The following LPA variants were observed in gnomAD, a reference collection of about 807,000 sequenced individuals.
LPA encodes apolipoprotein(a).
A neutral mutation model predicts 197.9 loss-of-function variants in LPA; 199 were observed. The observed-to-expected ratio is 1.01, with a 90% confidence interval of 0.90 to 1.13. LPA has a LOEUF of 1.13. LPA is among the 50% of genes most tolerant of loss of function. The pLI, the probability that LPA is intolerant of heterozygous loss-of-function variation, is 0.00. For missense variants in LPA, 1,853 were observed against 1,785.8 expected (o/e 1.04, Z -0.68); for synonymous variants, 715 against 639.5 (o/e 1.12, Z -1.78).
chr6:160,570,223 T>A (rs1251076750), intron 28 of LPA, among the ~76,000 whole-genome samples: 1 of 152,106 alleles, frequency 6.6e-6, no homozygotes, highest in Admixed American at 6.6e-5. Flanking sequence ...TAGCAAAGAC[T>A]TGGAACCAAC....
At chr6:160,574,704 A>T (rs2115027779) in intron 28 of LPA, among the ~76,000 whole-genome samples, 1 of 152,290 alleles carries the variant, frequency 6.6e-6, no homozygotes, top group Middle Eastern at 3.4e-3. Context: ...TGTTTGAGGG[A>T]GTAAGGCCTC....
intron 1 of LPA, among the ~76,000 whole-genome samples, chr6:160,656,455 A>G (rs192889661): frequency 1.3e-5 from 2 of 152,322 alleles, no homozygotes; most frequent in Admixed American, 1.3e-4. Flanking sequence ...GACCCACTGG[A>G]ACCACTGTAA....
chr6:160,615,509 CTTTAA>C (rs1396894182), intron 14 of LPA, among the ~76,000 whole-genome samples: 1 of 122,994 alleles, frequency 8.1e-6, no homozygotes, highest in Non-Finnish European at 1.7e-5. Context: ...TATACTAGCT[CTTTAA>C]TTTAATTTGG....
Position 160,542,768 on chromosome 6 carries a change from C to T in LPA, c.5439G>A (p.Pro1813=), listed in dbSNP as rs747134808. The change falls in exon 34 of 39, where the codon CCG becomes CCA. Residue 1813 remains proline, a synonymous_variant. Transcript: ENST00000316300. ...CTACAATGCTTCCAGGACATTTCTTCGGCTCCACTTGAGGCTTCCCACAAT... is the reference window on the plus strand; with the variant it reads ...CTACAATGCTTCCAGGACATTTCTTTGGCTCCACTTGAGGCTTCCCACAAT... ...SFDCGKPQVE[P]KKCPGSIVGG... is the part of the protein sequence containing the mutation. The T allele has an allele frequency of 1.4e-5, 23 of 1,613,962 alleles. No individual in the cohort carries two copies. Among genetic ancestry groups the T allele is most frequent in the Middle Eastern group, 1.6e-4 (1 of 6,082 alleles).
intron 4 of LPA, among the ~76,000 whole-genome samples, chr6:160,641,111 C>G (rs1779846126): frequency 7.4e-6 from 1 of 134,706 alleles, no homozygotes; most frequent in Admixed American, 7.1e-5. Context: ...TGAGATAACA[C>G]ACACACGTGG....
chr6:160,576,394 A>ATATATATATATGTG (rs1554234375), intron 28 of LPA, among the ~76,000 whole-genome samples: 3 of 53,754 alleles, frequency 5.6e-5, no homozygotes, highest in Non-Finnish European at 9.3e-5. Flanking sequence ...ATATATGTAT[A>ATATATATATATGTG]TATATATATA....
chr6:160,604,074 C>T (rs954831905), intron 18 of LPA, among the ~76,000 whole-genome samples: 10 of 152,124 alleles, frequency 6.6e-5, no homozygotes, highest in East Asian at 1.9e-4. Context: ...GCACATGCAA[C>T]GTCATGTTTA....
rs369140428 is a variant in LPA, at chr6:160,609,082, C to T, written c.2604-2424G>A. On this transcript the variant is annotated intron_variant, in intron 16 of 38. Coordinates refer to ENST00000316300, the MANE Select transcript of LPA (RefSeq NM_005577.4). The stretch of plus-strand genomic sequence containing the variant: ...TATTTTATCTGTTTTATTACATATT[C>T]ATCTTTTTTTAAATATTTGAAATAG... 4.8e-4 allele frequency among the ~76,000 whole-genome samples: 73 copies of T among 152,112 alleles called. No individual in the cohort carries two copies. In the East Asian group the frequency reaches 0.012, roughly 25 times the overall value.
At chr6:160,592,928 G>A (rs1396195858) in intron 22 of LPA, among the ~76,000 whole-genome samples, 1 of 152,146 alleles carries the variant, frequency 6.6e-6, no homozygotes. Context: ...CATCTCCATT[G>A]AGCTCACTGT....
chr6:160,624,604 GT>G (rs1779627374), intron 10 of LPA, among the ~76,000 whole-genome samples: 2 of 58,866 alleles, frequency 3.4e-5, no homozygotes, highest in African/African-American at 1.1e-4. Flanking sequence ...AAATGCATCT[GT>G]ATCTGTCTAG....
intron 1 of LPA, among the ~76,000 whole-genome samples, chr6:160,661,031 G>A (rs944808777): frequency 6.6e-6 from 1 of 151,534 alleles, no homozygotes; most frequent in Admixed American, 6.6e-5. Context: ...GGCCAAGTGG[G>A]GCTCAGCTGT....
intron 1 of LPA, among the ~76,000 whole-genome samples, chr6:160,657,632 C>T (rs564624557): frequency 2.0e-5 from 3 of 152,186 alleles, no homozygotes; most frequent in South Asian, 4.1e-4. Flanking sequence ...CTCCTGATCT[C>T]GTGATCTGCC....
At chr6:160,545,300 A>G (rs901993291) in intron 33 of LPA, 140 bp downstream of exon 33, 5 of 661,032 alleles carry the variant, frequency 7.6e-6, no homozygotes, top group Admixed American at 2.5e-5. Context: ...CCATGATGAA[A>G]AGCAGGCTCT....
intron 16 of LPA, among the ~76,000 whole-genome samples, chr6:160,611,005 A>C (rs1779495239): frequency 6.6e-6 from 1 of 151,532 alleles, no homozygotes; most frequent in Admixed American, 6.6e-5. Context: ...CTCTGTGCTG[A>C]CTCTCATCTG....
At chr6:160,593,886 T>C (rs1779079054) in intron 22 of LPA, 72 bp downstream of exon 22, 19 of 1,577,584 alleles carry the variant, frequency 1.2e-5, no homozygotes, top group Non-Finnish European at 1.3e-5. Flanking sequence ...AGAAGTTAGT[T>C]GGAAGCATGG....
At position 160,548,494 on chromosome 6, in the gene LPA, C is replaced by A; in HGVS notation, c.5139G>T (p.Gly1713=). 1 of 1,613,986 alleles carries A rather than the reference C, an allele frequency of 6.2e-7. No homozygotes were observed. The highest frequency in any genetic ancestry group is 8.5e-7 in the Non-Finnish European group (1 of 1,179,990). Residue 1713 remains glycine, a synonymous_variant, in exon 31 of 39, where the codon GGG becomes GGT. Transcript: ENST00000316300. Reference sequence around the variant, plus strand: ...ACTTCTTACCTTGTTCAGAAGGAGGCCCTAGGCTTGGAACCTGGATGACAG... The same window carrying A: ...ACTTCTTACCTTGTTCAGAAGGAGGACCTAGGCTTGGAACCTGGATGACAG... ...PPTVIQVPSL[G]PPSEQDCMFG...
At chr6:160,647,695 A>G (rs1375912167) in intron 2 of LPA, among the ~76,000 whole-genome samples, 1 of 152,230 alleles carries the variant, frequency 6.6e-6, no homozygotes, top group Non-Finnish European at 1.5e-5. Flanking sequence ...TTAGTATTAC[A>G]TACTATCGTG....
At chr6:160,590,304 T>G (rs192129286) in intron 23 of LPA, among the ~76,000 whole-genome samples, 68 of 152,210 alleles carry the variant, frequency 4.5e-4, no homozygotes, top group Middle Eastern at 3.4e-3. Flanking sequence ...AAAGTAGACA[T>G]CCACTACTCT....
intron 26 of LPA, among the ~76,000 whole-genome samples, chr6:160,584,652 C>T (rs997235161): frequency 6.6e-6 from 1 of 151,934 alleles, no homozygotes; most frequent in African/African-American, 2.4e-5. Context: ...ACTTCTGATT[C>T]GTGTCAAAAA....
Sources: gnomAD v4.1 joint callset for allele counts (sites outside exome capture counted in the v4.1 genomes callset) on GRCh38, gnomAD v4.1.1 for gene constraint, MANE v1.5 for transcripts, NCBI Gene and HGNC (gene_info 2026-07-23, HGNC 2026-07-21) for gene names.